The following EPHA7 variants were observed in gnomAD, a reference collection of about 807,000 sequenced individuals.
EPHA7 encodes the protein EPH receptor A7.
In EPHA7, 25 loss-of-function variants were observed where a neutral mutation model predicts 112.6. The ratio of observed to expected loss-of-function variants is 0.22; its 90% CI spans 0.16 to 0.31. EPHA7 has a LOEUF of 0.31. Ranked by LOEUF, EPHA7 falls within the 10% of genes least tolerant of loss-of-function variation. The pLI is 1.00. For synonymous variants in EPHA7, 437 were observed against 406.5 expected (o/e 1.07, Z -0.90); for missense variants, 962 against 1,212.6 (o/e 0.79, Z 3.07).
At chr6:93,373,531 A>G (rs1173356997) in intron 3 of EPHA7, among the ~76,000 whole-genome samples, 1 of 152,116 alleles carries the variant, frequency 6.6e-6, no homozygotes, top group African/African-American at 2.4e-5. Context: ...CACTCTTGCC[A>G]TTGACTTCTA....
chr6:93,371,326 A>C (rs1306522392), intron 3 of EPHA7, among the ~76,000 whole-genome samples: 1 of 152,220 alleles, frequency 6.6e-6, no homozygotes, highest in Non-Finnish European at 1.5e-5. Flanking sequence ...ACAATATAAC[A>C]ACTACATGCC....
intron 3 of EPHA7, among the ~76,000 whole-genome samples, chr6:93,372,486 T>C (rs886584978): frequency 6.6e-6 from 1 of 152,084 alleles, no homozygotes; most frequent in Non-Finnish European, 1.5e-5. Flanking sequence ...TGTCTAGACA[T>C]AGAATCAATA....
rs1771268324 is a variant in EPHA7, at chr6:93,272,374, C to T, written c.1373G>A (p.Ser458Asn). Residue 458 changes from serine to asparagine, a missense_variant, in exon 6 of 17, where the codon AGT becomes AAT. Ser to Asn is a conservative substitution (Grantham distance 46). Coordinates refer to ENST00000369303, the MANE Select transcript of EPHA7 (RefSeq NM_004440.4). ...GVMKERVLQR[S>N]VELSWQEPEH... ...TGGTTCCTGCCAGGAAAGCTCGACA[C>T]TCCGCTGCAGTACTCTCTCCTTCAT... is the stretch of plus-strand genomic sequence containing the variant. 6.2e-7 allele frequency: 1 copy of T among 1,612,208 alleles called. No individual in the cohort carries two copies. Among genetic ancestry groups the T allele is most frequent in the Non-Finnish European group, 8.5e-7 (1 of 1,178,672 alleles).
At chr6:93,250,320 C>T (rs1241737280) in intron 14 of EPHA7, among the ~76,000 whole-genome samples, 1 of 152,096 alleles carries the variant, frequency 6.6e-6, no homozygotes, top group Admixed American at 6.6e-5. Flanking sequence ...AGCAGTAAAA[C>T]AATTTTCTTG....
chr6:93,320,249 G>A (rs953137581), intron 5 of EPHA7, among the ~76,000 whole-genome samples: 5 of 151,950 alleles, frequency 3.3e-5, no homozygotes, highest in Non-Finnish European at 5.9e-5. Context: ...TTTAATAAAT[G>A]TCATATTTTA....
At chr6:93,303,998 G>T (rs1047225084) in intron 5 of EPHA7, among the ~76,000 whole-genome samples, 1 of 151,992 alleles carries the variant, frequency 6.6e-6, no homozygotes, top group East Asian at 1.9e-4. Context: ...ATAGGAGAAA[G>T]GTGCTTTTGC....
intron 16 of EPHA7, among the ~76,000 whole-genome samples, chr6:93,244,689 A>G (rs1769867063): frequency 6.6e-6 from 1 of 152,158 alleles, no homozygotes; most frequent in African/African-American, 2.4e-5. Context: ...GTTAAAAAAA[A>G]AAGAATTGAT....
At chr6:93,287,913 A>G (rs1311447794) in intron 5 of EPHA7, among the ~76,000 whole-genome samples, 1 of 152,192 alleles carries the variant, frequency 6.6e-6, no homozygotes, top group Non-Finnish European at 1.5e-5. Flanking sequence ...AATGACTATA[A>G]TTTTAAAAAA....
At chr6:93,405,068 GT>G (rs1778629008) in intron 3 of EPHA7, among the ~76,000 whole-genome samples, 1 of 151,770 alleles carries the variant, frequency 6.6e-6, no homozygotes, top group Non-Finnish European at 1.5e-5. Flanking sequence ...AAAAGTTAAT[GT>G]TCAAGATGTT....
At chr6:93,370,030 C>G (rs1218814695) in intron 3 of EPHA7, among the ~76,000 whole-genome samples, 1 of 152,150 alleles carries the variant, frequency 6.6e-6, no homozygotes, top group East Asian at 1.9e-4. Flanking sequence ...AGGGAGACAA[C>G]TGCACAGCCA....
At chr6:93,310,507 A>T (rs1773476070) in intron 5 of EPHA7, among the ~76,000 whole-genome samples, 1 of 152,126 alleles carries the variant, frequency 6.6e-6, no homozygotes, top group Non-Finnish European at 1.5e-5. Flanking sequence ...TCTATTAAAA[A>T]TACAGAAGTT....
At chr6:93,254,617 C>T in intron 14 of EPHA7, 30 bp downstream of exon 14, 1 of 1,596,810 alleles carries the variant, frequency 6.3e-7, no homozygotes, top group Non-Finnish European at 8.6e-7. Flanking sequence ...TGTATTCAAT[C>T]CTTTTTGTTT....
intron 5 of EPHA7, among the ~76,000 whole-genome samples, chr6:93,313,580 A>G (rs936732621): frequency 4.6e-5 from 7 of 152,140 alleles, no homozygotes; most frequent in African/African-American, 1.7e-4. Flanking sequence ...TTAAATATGG[A>G]TAACTAAGCA....
chr6:93,389,149 C>A (rs770231687), intron 3 of EPHA7, among the ~76,000 whole-genome samples: 1 of 152,010 alleles, frequency 6.6e-6, no homozygotes, highest in Non-Finnish European at 1.5e-5. Context: ...AAAATACAAA[C>A]CCAGAAAGCA....
intron 5 of EPHA7, among the ~76,000 whole-genome samples, chr6:93,280,585 T>TA (rs1354407461): frequency 6.6e-6 from 1 of 152,102 alleles, no homozygotes; most frequent in African/African-American, 2.4e-5. Context: ...GTAGAAAACT[T>TA]AGAGAAGCAG....
At chr6:93,382,638 C>T (rs1777394379) in intron 3 of EPHA7, among the ~76,000 whole-genome samples, 1 of 152,088 alleles carries the variant, frequency 6.6e-6, no homozygotes, top group Non-Finnish European at 1.5e-5. Context: ...GCCATTTCCC[C>T]ACCTTACCAT....
chr6:93,287,112 A>C (rs1772104538), intron 5 of EPHA7, among the ~76,000 whole-genome samples: 1 of 152,188 alleles, frequency 6.6e-6, no homozygotes, highest in African/African-American at 2.4e-5. Context: ...GTGTGACACT[A>C]CAAATTACCT....
At chr6:93,250,809 T>C (rs1770174982) in intron 14 of EPHA7, among the ~76,000 whole-genome samples, 1 of 152,108 alleles carries the variant, frequency 6.6e-6, no homozygotes, top group Non-Finnish European at 1.5e-5. Context: ...CAATTCTATA[T>C]CTAAATAGTT....
intron 5 of EPHA7, among the ~76,000 whole-genome samples, chr6:93,288,387 G>A (rs1319043962): frequency 6.6e-6 from 1 of 152,176 alleles, no homozygotes; most frequent in East Asian, 1.9e-4. Context: ...TTTCGTGGTT[G>A]CCTAGGTCTA....
Sources: gnomAD v4.1 joint callset for allele counts (sites outside exome capture counted in the v4.1 genomes callset) on GRCh38, gnomAD v4.1.1 for gene constraint, MANE v1.5 for transcripts, NCBI Gene and HGNC (gene_info 2026-07-23, HGNC 2026-07-21) for gene names.